The following PURA variants were observed in gnomAD, a reference collection of about 807,000 sequenced individuals.
PURA encodes the protein purine rich element binding protein A.
A neutral mutation model predicts 23.1 loss-of-function variants in PURA; 2 were observed. The observed-to-expected ratio is 0.09, with a 90% CI of 0.04 to 0.27. The LOEUF (loss-of-function observed/expected upper bound fraction) is 0.27. Among genes scored for constraint, PURA ranks in the 10% least tolerant of loss-of-function variants. The pLI is 1.00. For missense variants in PURA, 187 were observed against 449.7 expected (o/e 0.42, Z 5.28); for synonymous variants, 254 against 205.9 (o/e 1.23, Z -2.00).
rs898639252 is a variant in PURA at position 140,119,738 on chromosome 5, C to G, written c.*4588C>G. ...TGGCCCTGTTCAAACTTTCTAAACACATTTTTCTTTTATGACATTTTGGGT... is the reference window on the plus strand; with the variant it reads ...TGGCCCTGTTCAAACTTTCTAAACAGATTTTTCTTTTATGACATTTTGGGT... On this transcript the variant is annotated 3_prime_UTR_variant, in exon 1 of 1. Coordinates refer to ENST00000331327, the MANE Select transcript of PURA (RefSeq NM_005859.5). 1 of 166,816 alleles carries G rather than the reference C, an allele frequency of 6.0e-6. No individual in the cohort carries two copies. Among genetic ancestry groups the G allele is most frequent in the African/African-American group, 2.4e-5 (1 of 41,424 alleles). The allele number at this position is 166,816 out of a possible 1,614,324, so 10.3% of individuals were successfully genotyped here. A position where few individuals can be genotyped will look rare whatever the true frequency, so the allele number is the denominator to read the frequency against.
rs1353035962 is a variant in PURA at position 140,119,622 on chromosome 5, A to G, written c.*4472A>G. 6.0e-6 allele frequency: 1 copy of G among 166,780 alleles called. No homozygotes were observed. The highest frequency in any genetic ancestry group is 2.4e-5 in the African/African-American group (1 of 41,440). The allele number at this position is 166,780 out of a possible 1,614,324, so 10.3% of individuals were successfully genotyped here. On this transcript the variant is annotated 3_prime_UTR_variant, in exon 1 of 1. Transcript: ENST00000331327. ...GATATATTTTAAAAGATACTATGTC[A>G]ACTTTTTTCTTCCTATTTTCTTATG...
In PURA at chr5:140,119,525, G is replaced by A. The variant is rs569969590; in HGVS notation, c.*4375G>A. 12 of 166,656 alleles carry A rather than the reference G, an allele frequency of 7.2e-5. No homozygotes were observed. Among genetic ancestry groups the A allele is most frequent in the Non-Finnish European group, 1.5e-4 (10 of 67,906 alleles). The allele number at this position is 166,656 out of a possible 1,614,324, so 10.3% of individuals were successfully genotyped here. A position where few individuals can be genotyped will look rare whatever the true frequency, so the allele number is the denominator to read the frequency against. The stretch of plus-strand genomic sequence containing the variant: ...GAAGGGAGGGGGAAAAGATAAATCC[G>A]TTGATAATGAGAATCTGGGTGGGTA... On this transcript the variant is annotated 3_prime_UTR_variant, in exon 1 of 1. Coordinates refer to ENST00000331327, the MANE Select transcript of PURA (RefSeq NM_005859.5).
chr5:140,115,297 ACCACCCACAGAACCT>A lies in PURA; in HGVS notation c.*153_*167del. ...AAAAACCTGTTAACTCCAAGGGAGC[ACCACCCACAGAACCT>A]CCACCAACTGACAGTTTCTCTTCTT... On this transcript the variant is annotated 3_prime_UTR_variant, in exon 1 of 1. Transcript: ENST00000331327. This position sits in a 1 kb window ranked among gnomAD's most constrained non-coding sequence, Gnocchi z 4.1. 1 of 546,752 alleles carries A rather than the reference ACCACCCACAGAACCT, an allele frequency of 1.8e-6. No individual in the cohort carries two copies. Among genetic ancestry groups the A allele is most frequent in the East Asian group, 3.4e-5 (1 of 29,566 alleles). 33.9% of individuals were successfully genotyped at this position (546,752 alleles called of 1,614,324 possible). A position where few individuals can be genotyped will look rare whatever the true frequency, so the allele number is the denominator to read the frequency against.
Position 140,120,601 on chromosome 5 carries a change from T to A in PURA, c.*5451T>A, listed in dbSNP as rs769037991. On this transcript the variant is annotated 3_prime_UTR_variant, in exon 1 of 1. Transcript: ENST00000331327. ...AAGGTATAGGCCATTTGACACGTCCTTTTTGAACAGAAATTTCATTACAGG... is the reference window on the plus strand; with the variant it reads ...AAGGTATAGGCCATTTGACACGTCCATTTTGAACAGAAATTTCATTACAGG... 11 of 164,674 alleles carry A rather than the reference T, an allele frequency of 6.7e-5. No homozygotes were observed. The highest frequency in any genetic ancestry group is 1.6e-4 in the Non-Finnish European group (11 of 67,960). 10.2% of individuals were successfully genotyped at this position (164,674 alleles called of 1,614,324 possible). A position where few individuals can be genotyped will look rare whatever the true frequency, so the allele number is the denominator to read the frequency against.
At position 140,115,160 on chromosome 5, in the gene PURA, A is replaced by G. The variant is rs796621978; in HGVS notation, c.*10A>G. The G allele has an allele frequency of 1.3e-6, 2 of 1,483,334 alleles. No individual in the cohort carries two copies. Among genetic ancestry groups the G allele is most frequent in the South Asian group, 1.3e-5 (1 of 75,338 alleles). The allele number at this position is 1,483,334 out of a possible 1,614,324, so 91.9% of individuals were successfully genotyped here. On this transcript the variant is annotated 3_prime_UTR_variant, in exon 1 of 1. Transcript: ENST00000331327. This position sits in a 1 kb window ranked among gnomAD's most constrained non-coding sequence, Gnocchi z 4.1. ...AGGGGAAGAAGATTGATCAAACTGAATGAAACCCCCACACACACACACATG... is the reference window on the plus strand; with the variant it reads ...AGGGGAAGAAGATTGATCAAACTGAGTGAAACCCCCACACACACACACATG...
Position 140,121,274 on chromosome 5 carries a change from G to T in PURA, c.*6124G>T, listed in dbSNP as rs1017617653. 6.0e-6 allele frequency: 1 copy of T among 166,908 alleles called. No individual in the cohort carries two copies. The highest frequency in any genetic ancestry group is 1.5e-5 in the Non-Finnish European group (1 of 67,984). 10.3% of individuals were successfully genotyped at this position (166,908 alleles called of 1,614,324 possible). On this transcript the variant is annotated 3_prime_UTR_variant, in exon 1 of 1. Transcript: ENST00000331327. ...TGGTCTAAGGTAGATTATTAACACA[G>T]AAGGATCCTAGGAGGATTTAAGAAA...
In PURA at chr5:140,117,272, T is replaced by C. The variant is rs1223521506; in HGVS notation, c.*2122T>C. The C allele has an allele frequency of 1.8e-5, 3 of 167,064 alleles. No individual in the cohort carries two copies. Among genetic ancestry groups the C allele is most frequent in the African/African-American group, 4.8e-5 (2 of 41,474 alleles). The allele number at this position is 167,064 out of a possible 1,614,324, so 10.3% of individuals were successfully genotyped here. On this transcript the variant is annotated 3_prime_UTR_variant, in exon 1 of 1. Coordinates refer to ENST00000331327, the MANE Select transcript of PURA (RefSeq NM_005859.5). ...TTTCCCCCTCCCCAGAGGTGCATTT[T>C]TCTTATTTCCATATAGTAAAGTTGA...
At position 140,121,836 on chromosome 5, in the gene PURA, G is replaced by A. The variant is rs1763156003; in HGVS notation, c.*6686G>A. On this transcript the variant is annotated 3_prime_UTR_variant, in exon 1 of 1. Coordinates refer to ENST00000331327, the MANE Select transcript of PURA (RefSeq NM_005859.5). Reference sequence around the variant, plus strand: ...AGTTACTGGGAACTGAGACTTACTGGTTTGGAAATTGGAGAGTAGGACGAG... The same window carrying A: ...AGTTACTGGGAACTGAGACTTACTGATTTGGAAATTGGAGAGTAGGACGAG... 1 of 166,806 alleles carries A rather than the reference G, an allele frequency of 6.0e-6. No homozygotes were observed. Among genetic ancestry groups the A allele is most frequent in the Admixed American group, 6.6e-5 (1 of 15,246 alleles). The allele number at this position is 166,806 out of a possible 1,614,324, so 10.3% of individuals were successfully genotyped here. A position where few individuals can be genotyped will look rare whatever the true frequency, so the allele number is the denominator to read the frequency against.
rs918753598 is a variant in PURA at position 140,119,896 on chromosome 5, T to C, written c.*4746T>C. The C allele has an allele frequency of 6.0e-6, 1 of 166,568 alleles. No individual in the cohort carries two copies. The highest frequency in any genetic ancestry group is 1.5e-5 in the Non-Finnish European group (1 of 67,916). 10.3% of individuals were successfully genotyped at this position (166,568 alleles called of 1,614,324 possible). ...TATACACACACATTTCCAGATAATT[T>C]TAGAATGGGGCTATCTGAAATTGAT... On this transcript the variant is annotated 3_prime_UTR_variant, in exon 1 of 1. Coordinates refer to ENST00000331327, the MANE Select transcript of PURA (RefSeq NM_005859.5).
chr5:140,116,121 ATGTACT>A lies in PURA; in HGVS notation c.*976_*981del, dbSNP rs1763077111. ...GTTTTGTCATTATTGTGTATATGAG[ATGTACT>A]TGTATCGTTCATAATATATTTTTTT... On this transcript the variant is annotated 3_prime_UTR_variant, in exon 1 of 1. Coordinates refer to ENST00000331327, the MANE Select transcript of PURA (RefSeq NM_005859.5). 6.0e-6 allele frequency: 1 copy of A among 167,064 alleles called. No individual in the cohort carries two copies. The highest frequency in any genetic ancestry group is 2.4e-5 in the African/African-American group (1 of 41,444). 10.3% of individuals were successfully genotyped at this position (167,064 alleles called of 1,614,324 possible). A position where few individuals can be genotyped will look rare whatever the true frequency, so the allele number is the denominator to read the frequency against.
rs1480387613 is a variant in PURA at position 140,114,697 on chromosome 5, G to A, written c.516G>A (p.Gln172=). The change falls in exon 1 of 1, where the codon CAG becomes CAA. Residue 172 remains glutamine (Q), a synonymous_variant. Transcript: ENST00000331327. ...GCGGCCGCTTCCTGCGCATCCGCCA[G>A]ACGGTCAACCGGGGGCCTGGCCTGG... ...NQRGRFLRIR[Q]TVNRGPGLGS... 2 of 1,612,728 alleles carry A rather than the reference G, an allele frequency of 1.2e-6. No individual in the cohort carries two copies. The highest frequency in any genetic ancestry group is 1.7e-6 in the Non-Finnish European group (2 of 1,179,858).
Position 140,121,624 on chromosome 5 carries a change from T to A in PURA, c.*6474T>A, listed in dbSNP as rs1163577402. 1.8e-5 allele frequency: 3 copies of A among 166,952 alleles called. No individual in the cohort carries two copies. The highest frequency in any genetic ancestry group is 4.4e-5 in the Non-Finnish European group (3 of 68,026). The allele number at this position is 166,952 out of a possible 1,614,324, so 10.3% of individuals were successfully genotyped here. On this transcript the variant is annotated 3_prime_UTR_variant, in exon 1 of 1. Coordinates refer to ENST00000331327, the MANE Select transcript of PURA (RefSeq NM_005859.5). ...TTCTTCAGAGAGAAGTAAAGAAATT[T>A]CTGACTCCTGCCTTAGAACATAGCT...
In PURA at chr5:140,115,171, AC is replaced by A. The variant is rs1763060638; in HGVS notation, c.*22del. 5 of 1,246,552 alleles carry A rather than the reference AC, an allele frequency of 4.0e-6. No homozygotes were observed. In the Admixed American group the frequency reaches 1.3e-4, roughly 32 times the overall value. 77.2% of individuals were successfully genotyped at this position (1,246,552 alleles called of 1,614,324 possible). A position where few individuals can be genotyped will look rare whatever the true frequency, so the allele number is the denominator to read the frequency against. ...ATTGATCAAACTGAATGAAACCCCC[AC>A]ACACACACACATGCATACACACACA... On this transcript the variant is annotated 3_prime_UTR_variant, in exon 1 of 1. Transcript: ENST00000331327. This position sits in a 1 kb window ranked among gnomAD's most constrained non-coding sequence, Gnocchi z 4.1.
rs1763114927 is a variant in PURA, at chr5:140,118,507, G to A, written c.*3357G>A. The stretch of plus-strand genomic sequence containing the variant: ...TAGAAGCAGCAGTCATCCAGCCACA[G>A]AGGGAGCTAAAGTTAACTAACCAGA... On this transcript the variant is annotated 3_prime_UTR_variant, in exon 1 of 1. Coordinates refer to ENST00000331327, the MANE Select transcript of PURA (RefSeq NM_005859.5). 6.0e-6 allele frequency: 1 copy of A among 166,804 alleles called. No homozygotes were observed. Among genetic ancestry groups the A allele is most frequent in the South Asian group, 2.1e-4 (1 of 4,796 alleles). 10.3% of individuals were successfully genotyped at this position (166,804 alleles called of 1,614,324 possible).
chr5:140,115,078 A>ACAG lies in PURA; in HGVS notation c.907_909dup (p.Gln303dup), dbSNP rs748424666. The ACAG allele has an allele frequency of 2.5e-6, 4 of 1,613,422 alleles. No individual in the cohort carries two copies. Among genetic ancestry groups the ACAG allele is most frequent in the Non-Finnish European group, 2.5e-6 (3 of 1,179,748 alleles). ...CCTGTGAGCAGCTTCACCAGCAGCA[A>ACAG]CAGCAGCAGCAGGAGGAGACCGCCG... On this transcript the variant is annotated inframe_insertion, in exon 1 of 1. Transcript: ENST00000331327. This position sits in a 1 kb window ranked among gnomAD's most constrained non-coding sequence, Gnocchi z 4.1.
Position 140,114,252 on chromosome 5 carries a change from C to T in PURA, c.71C>T (p.Pro24Leu). The change falls in exon 1 of 1, where the codon CCC becomes CTC. Residue 24 changes from proline to leucine, a missense_variant. Coordinates refer to ENST00000331327, the MANE Select transcript of PURA (RefSeq NM_005859.5). ...ALGSGGSLGHPGSGSGSGGGG... is the reference protein window; with the variant it reads ...ALGSGGSLGHLGSGSGSGGGG... ...GGTTCGGGCGGCTCCCTGGGGCACC[C>T]CGGCTCGGGCTCAGGCTCCGGCGGG... 1.7e-6 allele frequency: 2 copies of T among 1,200,640 alleles called. No individual in the cohort carries two copies. Among genetic ancestry groups the T allele is most frequent in the East Asian group, 3.6e-5 (1 of 27,904 alleles). 74.4% of individuals were successfully genotyped at this position (1,200,640 alleles called of 1,614,324 possible). A position where few individuals can be genotyped will look rare whatever the true frequency, so the allele number is the denominator to read the frequency against.
At position 140,114,640 on chromosome 5, in the gene PURA, C is replaced by G; in HGVS notation, c.459C>G (p.Arg153=). Residue 153 remains arginine (R), a synonymous_variant, in exon 1 of 1, where the codon CGC becomes CGG. Transcript: ENST00000331327. The part of the protein sequence containing the change: ...LKSEFLVREN[R]KYYMDLKENQ... ...GCGAGTTCCTGGTGCGCGAGAACCG[C>G]AAGTACTACATGGATCTCAAGGAGA... 1 of 1,610,492 alleles carries G rather than the reference C, an allele frequency of 6.2e-7. No individual in the cohort carries two copies. Among genetic ancestry groups the G allele is most frequent in the Non-Finnish European group, 8.5e-7 (1 of 1,179,490 alleles).
At position 140,125,260 on chromosome 5, in the gene PURA, T is replaced by C. The variant is rs2126753820; in HGVS notation, c.*10110T>C. On this transcript the variant is annotated 3_prime_UTR_variant, in exon 1 of 1. Coordinates refer to ENST00000331327, the MANE Select transcript of PURA (RefSeq NM_005859.5). ...TGTAGAGAATTTTAGTGCAAATCGTTGATAAAATTAGGAACCAACTATTGG... is the reference window on the plus strand; with the variant it reads ...TGTAGAGAATTTTAGTGCAAATCGTCGATAAAATTAGGAACCAACTATTGG... The C allele has an allele frequency of 6.0e-6, 1 of 166,976 alleles. No homozygotes were observed. The highest frequency in any genetic ancestry group is 1.9e-4 in the East Asian group (1 of 5,194). The allele number at this position is 166,976 out of a possible 1,614,324, so 10.3% of individuals were successfully genotyped here.
chr5:140,123,896 T>C lies in PURA; in HGVS notation c.*8746T>C, dbSNP rs1317590896. On this transcript the variant is annotated 3_prime_UTR_variant, in exon 1 of 1. Transcript: ENST00000331327. ...AGTGGCAGCTCCCTCTTTCATGTAG[T>C]TTTCCATAATGTTCATATAGTTTCC... 6.0e-6 allele frequency: 1 copy of C among 167,028 alleles called. No homozygotes were observed. Among genetic ancestry groups the C allele is most frequent in the Non-Finnish European group, 1.5e-5 (1 of 68,068 alleles). 10.3% of individuals were successfully genotyped at this position (167,028 alleles called of 1,614,324 possible).
Sources: gnomAD v4.1 joint callset for allele counts on GRCh38, gnomAD v4.1.1 for gene constraint, Gnocchi (gnomAD v3.1) non-coding constraint, MANE v1.5 for transcripts, NCBI Gene and HGNC (gene_info 2026-07-23, HGNC 2026-07-21) for gene names.